Variants in PDE10A observed in about 807,000 individuals in gnomAD.
The protein encoded by PDE10A is phosphodiesterase 10A.
A neutral mutation model predicts 97.7 loss-of-function variants in PDE10A; 39 were observed. That is an observed-to-expected ratio of 0.40 (90% CI 0.31 to 0.52). The LOEUF (loss-of-function observed/expected upper bound fraction) is 0.52. PDE10A is among the 20% of genes least tolerant of loss of function. PDE10A has a pLI of 0.56. For synonymous variants in PDE10A, 371 were observed against 376.8 expected, an observed-to-expected ratio of 0.98 and a Z score of 0.18; for missense variants, 731 against 1,047.8, an observed-to-expected ratio of 0.70 and a Z score of 4.17.
intron 1 of PDE10A, among the ~76,000 whole-genome samples, chr6:165,559,046 C>G (rs1186641013): frequency 6.6e-6 from 1 of 151,892 alleles, no homozygotes; most frequent in Non-Finnish European, 1.5e-5. Context: ...GCCTAGCCAA[C>G]AGAAACTGGT....
At chr6:165,706,805 C>A (rs1033254174) in intron 1 of PDE10A, among the ~76,000 whole-genome samples, 2 of 152,112 alleles carry the variant, frequency 1.3e-5, no homozygotes, top group Non-Finnish European at 2.9e-5. Context: ...AACAGATTTA[C>A]GTGGTTTCAT....
At position 165,661,968 on chromosome 6, in the gene PDE10A, T is replaced by C. The variant is rs1481567267; in HGVS notation, c.844A>G (p.Thr282Ala). 3.3e-6 allele frequency: 4 copies of C among 1,194,402 alleles called. No individual in the cohort carries two copies. The Admixed American group carries it at 8.0e-5, about 24-fold the overall frequency. The allele number at this position is 1,194,402 out of a possible 1,614,324, so 74.0% of individuals were successfully genotyped here. Residue 282 changes from threonine to alanine, a missense_variant, in exon 1 of 22, where the codon ACC becomes GCC. By Grantham distance (58) the Thr-to-Ala change is moderately conservative. Coordinates refer to ENST00000539869, the MANE Select transcript of PDE10A (RefSeq NM_001385079.1). This position sits in a 1 kb window ranked among gnomAD's most constrained non-coding sequence, Gnocchi z 4.8. Reference protein sequence around the residue: ...SNNASCFRRLTECFLSPSLTD... With the variant: ...SNNASCFRRLAECFLSPSLTD... Reference sequence around the variant, plus strand: ...TTACTGGGGCTCAGGAAGCACTCGGTCAGCCTTCGGAAGCAGCTCGCATTA... The same window carrying C: ...TTACTGGGGCTCAGGAAGCACTCGGCCAGCCTTCGGAAGCAGCTCGCATTA...
chr6:165,536,622 C>A (rs951284031), intron 2 of PDE10A, among the ~76,000 whole-genome samples: 4 of 150,368 alleles, frequency 2.7e-5, no homozygotes, highest in Non-Finnish European at 5.9e-5. Flanking sequence ...AAAATCTGAG[C>A]AAAAAATTAG....
At chr6:165,700,521 T>G (rs925084048) in intron 1 of PDE10A, among the ~76,000 whole-genome samples, 2 of 152,342 alleles carry the variant, frequency 1.3e-5, no homozygotes, top group Admixed American at 1.3e-4. Context: ...ACTTGGAGGC[T>G]TCTGACAGTA....
intron 1 of PDE10A, among the ~76,000 whole-genome samples, chr6:165,815,283 C>G (rs1194544928): frequency 6.6e-6 from 1 of 152,216 alleles, no homozygotes. Context: ...GCAGAGTTCA[C>G]TGTGTTTTTC....
At chr6:165,385,405 C>T (rs220807) in intron 17 of PDE10A, among the ~76,000 whole-genome samples, 98,104 of 151,950 alleles carry the variant, frequency 0.65, 32,696 homozygotes, top group African/African-American at 0.83. Context: ...TACATGGGTA[C>T]GAGAGTCCTC....
intron 1 of PDE10A, among the ~76,000 whole-genome samples, chr6:165,977,906 T>C (rs1380658688): frequency 6.6e-6 from 1 of 152,216 alleles, no homozygotes; most frequent in Non-Finnish European, 1.5e-5. Context: ...GAATATTACT[T>C]AGCACTTAAA....
chr6:165,944,941 C>A (rs1481019426), intron 1 of PDE10A, among the ~76,000 whole-genome samples: 1 of 152,176 alleles, frequency 6.6e-6, no homozygotes, highest in African/African-American at 2.4e-5. Flanking sequence ...TCTAGTTTTG[C>A]CAGCTGGTAT....
At chr6:165,983,382 C>T (rs981040345) in intron 1 of PDE10A, among the ~76,000 whole-genome samples, 6 of 152,090 alleles carry the variant, frequency 3.9e-5, no homozygotes, top group Non-Finnish European at 7.4e-5. Flanking sequence ...GCAGTTGTGG[C>T]CAGAGACCAT....
chr6:165,699,568 C>T (rs1306900948), intron 1 of PDE10A, among the ~76,000 whole-genome samples: 3 of 152,054 alleles, frequency 2.0e-5, no homozygotes, highest in Non-Finnish European at 4.4e-5. Flanking sequence ...GGACATTCTC[C>T]AGGATAGACT....
chr6:165,889,631 C>A (rs1039736500), intron 1 of PDE10A, among the ~76,000 whole-genome samples: 3 of 152,294 alleles, frequency 2.0e-5, no homozygotes, highest in Admixed American at 6.5e-5. Context: ...TAGGCTTCTC[C>A]TGTTCTTGGC....
chr6:165,421,317 T>C (rs1317220165), intron 10 of PDE10A, among the ~76,000 whole-genome samples: 1 of 151,994 alleles, frequency 6.6e-6, no homozygotes, highest in African/African-American at 2.4e-5. Context: ...GCAGCATGCA[T>C]CTGAAGTCCC....
At position 165,655,152 on chromosome 6, in the gene PDE10A, C is replaced by T. The variant is rs763205781; in HGVS notation, c.865+6795G>A. 3.9e-5 allele frequency among the ~76,000 whole-genome samples: 6 copies of T among 152,166 alleles called. No homozygotes were observed. The highest frequency in any genetic ancestry group is 7.2e-5 in the African/African-American group (3 of 41,416). ...CCAGCTATGGTTGATTAACCAACTC[C>T]GTCTGTATTTCCCTCAGAGTCAAAA... On this transcript the variant is annotated intron_variant, in intron 1 of 21. Transcript: ENST00000539869. This position sits in a 1 kb window ranked among gnomAD's most constrained non-coding sequence, Gnocchi z 4.5.
chr6:165,883,620 C>T (rs1192775541), intron 1 of PDE10A, among the ~76,000 whole-genome samples: 2 of 151,888 alleles, frequency 1.3e-5, no homozygotes, highest in Non-Finnish European at 2.9e-5. Flanking sequence ...TTTCTGGAAA[C>T]CTTATGTGCA....
intron 1 of PDE10A, chr6:165,948,104 T>C (rs922423085): frequency 3.9e-5 from 6 of 152,022 alleles, no homozygotes; most frequent in East Asian, 1.9e-4. Flanking sequence ...TACATATATA[T>C]ACATATATAT....
chr6:165,914,759 A>G (rs944077265), intron 1 of PDE10A, among the ~76,000 whole-genome samples: 1 of 152,210 alleles, frequency 6.6e-6, no homozygotes, highest in Non-Finnish European at 1.5e-5. Context: ...GTCATCTCAT[A>G]AATGGTGTCA....
intron 1 of PDE10A, among the ~76,000 whole-genome samples, chr6:165,884,780 G>T (rs1020487992): frequency 1.3e-5 from 2 of 152,010 alleles, no homozygotes; most frequent in Non-Finnish European, 2.9e-5. Context: ...CACAATAATG[G>T]GTCAGATTAA....
intron 13 of PDE10A, among the ~76,000 whole-genome samples, chr6:165,404,643 T>C (rs762928764): frequency 4.0e-5 from 6 of 151,864 alleles, no homozygotes; most frequent in Non-Finnish European, 5.9e-5. Flanking sequence ...TGAGAGAAAT[T>C]TGAGTAGGTA....
At chr6:165,621,422 G>C (rs1192538299) in intron 1 of PDE10A, among the ~76,000 whole-genome samples, 1 of 152,082 alleles carries the variant, frequency 6.6e-6, no homozygotes, top group African/African-American at 2.4e-5. Context: ...CTTCAAAATA[G>C]GATCTCCGGC....
Sources: gnomAD v4.1 joint callset for allele counts (sites outside exome capture counted in the v4.1 genomes callset) on GRCh38, gnomAD v4.1.1 for gene constraint, Gnocchi (gnomAD v3.1) non-coding constraint, MANE v1.5 for transcripts, NCBI Gene and HGNC (gene_info 2026-07-23, HGNC 2026-07-21) for gene names.